Variants in PIEZO2 observed in about 807,000 individuals in gnomAD.
The protein encoded by PIEZO2 is piezo-type mechanosensitive ion channel component 2.
Under a neutral mutation model 337.3 loss-of-function variants are expected in PIEZO2, and 172 were observed. That is an observed-to-expected ratio of 0.51 (90% CI 0.45 to 0.58). The LOEUF (loss-of-function observed/expected upper bound fraction) is 0.58, where lower values mean the gene tolerates loss of function less well. PIEZO2 is among the 20% of genes least tolerant of loss of function. The pLI, the probability that PIEZO2 is intolerant of heterozygous loss-of-function variation, is 0.00. For synonymous variants in PIEZO2, 1,251 were observed against 1,228.5 expected, an observed-to-expected ratio of 1.02 and a Z score of -0.38; for missense variants, 3,028 against 3,391.3, an observed-to-expected ratio of 0.89 and a Z score of 2.66.
At chr18:11,062,181 G>A (rs1206580249) in intron 2 of PIEZO2, among the ~76,000 whole-genome samples, 1 of 151,726 alleles carries the variant, frequency 6.6e-6, no homozygotes, top group South Asian at 2.1e-4. Context: ...TTTAATAAAT[G>A]GTGCTGGGAA....
chr18:10,942,667 T>C lies in PIEZO2; in HGVS notation c.287-31439A>G, dbSNP rs1428014353. 2.6e-5 allele frequency among the ~76,000 whole-genome samples: 4 copies of C among 151,884 alleles called. No individual in the cohort carries two copies. The highest frequency in any genetic ancestry group is 9.7e-5 in the African/African-American group (4 of 41,302). On this transcript the variant is annotated intron_variant, in intron 3 of 55. Coordinates refer to ENST00000674853, the MANE Select transcript of PIEZO2 (RefSeq NM_001378183.1). The surrounding 1 kb of genome is among the most constrained non-coding windows in gnomAD (Gnocchi z 4.4). Reference sequence around the variant, plus strand: ...CCTGACAATGCAATAAAAAAGAAAATCCCATTTTCTGTGGAGAAAATCAAG... The same window carrying C: ...CCTGACAATGCAATAAAAAAGAAAACCCCATTTTCTGTGGAGAAAATCAAG...
In PIEZO2 at chr18:11,032,948, G is replaced by A. The variant is rs561515746; in HGVS notation, c.160+33179C>T. On this transcript the variant is annotated intron_variant, in intron 2 of 55. Transcript: ENST00000674853. The surrounding 1 kb of genome is among the most constrained non-coding windows in gnomAD (Gnocchi z 4.9). ...GCCCTTCTAGCCATGGATAGCACTG[G>A]ACTCACAGTCAAGGTAGATGAGAAA... 5.1e-4 allele frequency among the ~76,000 whole-genome samples: 77 copies of A among 152,276 alleles called. 1 individual carries two copies. In the South Asian group the frequency reaches 0.015, roughly 30 times the overall value.
chr18:11,015,666 TTGAC>T (rs1473643884), intron 2 of PIEZO2, among the ~76,000 whole-genome samples: 2 of 152,122 alleles, frequency 1.3e-5, no homozygotes, highest in Non-Finnish European at 2.9e-5. Flanking sequence ...GCTGGGCTGG[TTGAC>T]TGTGAGGGAA....
intron 4 of PIEZO2, among the ~76,000 whole-genome samples, chr18:10,882,338 G>T (rs1357756232): frequency 6.6e-6 from 1 of 152,100 alleles, no homozygotes; most frequent in African/African-American, 2.4e-5. Context: ...GTTACCCCCG[G>T]CCCAACTTGA....
At position 10,850,381 on chromosome 18, in the gene PIEZO2, T is replaced by C. The variant is rs1052521881; in HGVS notation, c.917+4972A>G. Among the ~76,000 whole-genome samples, 3 of 152,212 alleles carry C rather than the reference T, an allele frequency of 2.0e-5. No individual in the cohort carries two copies. Among genetic ancestry groups the C allele is most frequent in the African/African-American group, 4.8e-5 (2 of 41,446 alleles). ...AACCGGTAAGCTAGTTAACATTATG[T>C]TGGCCTAGGACCTGGACACCTGTGC... is the stretch of plus-strand genomic sequence containing the variant. On this transcript the variant is annotated intron_variant, in intron 7 of 55. Transcript: ENST00000674853. This position sits in a 1 kb window ranked among gnomAD's most constrained non-coding sequence, Gnocchi z 4.5.
chr18:11,006,990 C>T (rs1036808305), intron 2 of PIEZO2, among the ~76,000 whole-genome samples: 2 of 152,118 alleles, frequency 1.3e-5, no homozygotes, highest in Non-Finnish European at 2.9e-5. Context: ...ACTGGGATAT[C>T]TATCACATCA....
At chr18:10,732,286 C>A (rs1291410119) in intron 35 of PIEZO2, among the ~76,000 whole-genome samples, 1 of 152,178 alleles carries the variant, frequency 6.6e-6, no homozygotes, top group African/African-American at 2.4e-5. Flanking sequence ...CAACAAGAAG[C>A]CAAGCAGGCA....
intron 17 of PIEZO2, among the ~76,000 whole-genome samples, chr18:10,782,181 T>C (rs932129140): frequency 7.2e-6 from 1 of 138,002 alleles, no homozygotes; most frequent in Non-Finnish European, 1.5e-5. Flanking sequence ...TTAATATATA[T>C]CAATGTACAT....
intron 20 of PIEZO2, among the ~76,000 whole-genome samples, chr18:10,772,378 T>C (rs1918678): frequency 0.76 from 115,686 of 152,140 alleles, 44,307 homozygotes; most frequent in East Asian, 0.92. Flanking sequence ...GCAGGACCTA[T>C]TAGCAAAGCT....
At chr18:11,108,619 A>T (rs1406235552) in intron 1 of PIEZO2, among the ~76,000 whole-genome samples, 44 of 150,134 alleles carry the variant, frequency 2.9e-4, no homozygotes, top group African/African-American at 6.6e-4. Context: ...CTCTCAAAAA[A>T]AAAAAAAAAA....
intron 1 of PIEZO2, among the ~76,000 whole-genome samples, chr18:11,071,736 A>AAGCCTGACCCTTCC (rs560437212): frequency 1.6e-3 from 250 of 152,286 alleles, no homozygotes; most frequent in Middle Eastern, 6.8e-3. Flanking sequence ...AAGTGGAAGC[A>AAGCCTGACCCTTCC]AGCCTGACCC....
chr18:10,691,742 TATATG>T (rs1305856694), intron 47 of PIEZO2, among the ~76,000 whole-genome samples: 1 of 115,858 alleles, frequency 8.6e-6, no homozygotes, highest in Non-Finnish European at 1.7e-5. Flanking sequence ...ATACATTATA[TATATG>T]ATATATTAAA....
chr18:10,974,933 C>T lies in PIEZO2; in HGVS notation c.286+4602G>A, dbSNP rs376375937. ...GCTCAGCTCCTCCTCAGGCTGGGGC[C>T]TGCACACAGAGCACAGGGGTCCAGC... On this transcript the variant is annotated intron_variant, in intron 3 of 55. Coordinates refer to ENST00000674853, the MANE Select transcript of PIEZO2 (RefSeq NM_001378183.1). 7.4e-4 allele frequency among the ~76,000 whole-genome samples: 113 copies of T among 152,346 alleles called. 1 individual carries two copies. Among genetic ancestry groups the T allele is most frequent in the African/African-American group, 2.6e-3 (110 of 41,590 alleles).
chr18:11,051,345 A>ATGTGTGTGTGTGTGTGTGTG (rs144159846), intron 2 of PIEZO2, among the ~76,000 whole-genome samples: 12 of 146,776 alleles, frequency 8.2e-5, no homozygotes, highest in South Asian at 6.7e-4. Flanking sequence ...ATCACTTAGG[A>ATGTGTGTGTGTGTGTGTGTG]TGTGTGTGTG....
In PIEZO2 at chr18:10,700,441, G is replaced by T. The variant is rs186933226; in HGVS notation, c.6442-1264C>A. Among the ~76,000 whole-genome samples, 119 of 151,634 alleles carry T rather than the reference G, an allele frequency of 7.8e-4. No homozygotes were observed. The East Asian group carries it at 0.021, about 26-fold the overall frequency. On this transcript the variant is annotated intron_variant, in intron 43 of 55. Coordinates refer to ENST00000674853, the MANE Select transcript of PIEZO2 (RefSeq NM_001378183.1). ...ATTTAATTAAAATTTTTAACATAAT[G>T]CCATTACCTCAAATCTCATATACAT...
chr18:10,926,746 AG>A (rs1373000371), intron 3 of PIEZO2, among the ~76,000 whole-genome samples: 2 of 152,170 alleles, frequency 1.3e-5, no homozygotes, highest in African/African-American at 4.8e-5. Context: ...CAGCCTGCCA[AG>A]GGTGGCAGCC....
intron 3 of PIEZO2, among the ~76,000 whole-genome samples, chr18:10,965,930 T>A (rs2033976399): frequency 6.6e-6 from 1 of 152,138 alleles, no homozygotes; most frequent in South Asian, 2.1e-4. Flanking sequence ...GATACTTGAC[T>A]TTTTTTACCA....
rs1347362026 is a variant in PIEZO2 at position 10,781,402 on chromosome 18, G to A, written c.2493-1036C>T. Among the ~76,000 whole-genome samples, 1 of 152,066 alleles carries A rather than the reference G, an allele frequency of 6.6e-6. No homozygotes were observed. The highest frequency in any genetic ancestry group is 1.5e-5 in the Non-Finnish European group (1 of 67,986). Reference sequence around the variant, plus strand: ...GAAGAATCACTTGAACCCAGGAGGTGGAGGTTGCAGTGAGCCGAGATGGCA... The same window carrying A: ...GAAGAATCACTTGAACCCAGGAGGTAGAGGTTGCAGTGAGCCGAGATGGCA... On this transcript the variant is annotated intron_variant, in intron 17 of 55. Transcript: ENST00000674853. This position sits in a 1 kb window ranked among gnomAD's most constrained non-coding sequence, Gnocchi z 4.1.
chr18:11,026,228 CAT>C (rs766834253), intron 2 of PIEZO2, among the ~76,000 whole-genome samples: 6 of 152,310 alleles, frequency 3.9e-5, no homozygotes, highest in African/African-American at 1.4e-4. Context: ...CTTGTCTTCA[CAT>C]GTTTCACACA....
Sources: allele counts gnomAD v4.1 joint callset (sites outside exome capture counted in the v4.1 genomes callset), GRCh38; gene constraint gnomAD v4.1.1; non-coding constraint Gnocchi (gnomAD v3.1); transcripts MANE v1.5; gene names NCBI Gene and HGNC (gene_info 2026-07-23, HGNC 2026-07-21).